Variants in SLC36A4 observed in about 807,000 individuals in gnomAD.
The protein encoded by SLC36A4 is solute carrier family 36 member 4, also known as neutral amino acid uniporter 4.
SLC36A4 carries 49 observed loss-of-function variants against 50.5 expected under a neutral mutation model. The ratio of observed to expected loss-of-function variants is 0.97; its 90% CI spans 0.77 to 1.23. SLC36A4 has a LOEUF of 1.23. Among genes scored for constraint, SLC36A4 ranks in the 50% most tolerant of loss-of-function variants. The pLI is 0.00. For synonymous variants in SLC36A4, 207 were observed against 206.5 expected (o/e 1.00, Z -0.02); for missense variants, 611 against 608.4 (o/e 1.00, Z -0.05).
chr11:93,148,931 G>A, intron 10 of SLC36A4, 87 bp from the exon 11 acceptor site: 5 of 1,161,366 alleles, frequency 4.3e-6, no homozygotes, highest in Non-Finnish European at 6.1e-6. Flanking sequence ...AATACTGAAA[G>A]TAATTACTAG....
chr11:93,182,185 C>A, intron 4 of SLC36A4: 1 of 288,020 alleles, frequency 3.5e-6, no homozygotes, highest in Non-Finnish European at 5.2e-6. Flanking sequence ...TACATTTTCA[C>A]ATAAACTATC....
chr11:93,187,352 T>C (rs1022909649), intron 1 of SLC36A4, among the ~76,000 whole-genome samples: 3 of 152,184 alleles, frequency 2.0e-5, no homozygotes, highest in African/African-American at 7.2e-5. Flanking sequence ...CCTTTTGATA[T>C]GTTGATTTAG....
rs375452321 is a variant in SLC36A4 at position 93,182,914 on chromosome 11, A to G, written c.271-20T>C. On this transcript the variant is annotated intron_variant, in intron 3 of 10. Coordinates refer to ENST00000326402, the MANE Select transcript of SLC36A4 (RefSeq NM_152313.4). ...TCCAAGCTGTGGGGAAAAAAAATTT[A>G]TAAGGTTTAAATATTTAACAGAAAT... 12 of 1,556,630 alleles carry G rather than the reference A, an allele frequency of 7.7e-6. No homozygotes were observed. In the East Asian group the frequency reaches 1.1e-4, roughly 15 times the overall value.
chr11:93,184,343 G>A, intron 3 of SLC36A4, 87 bp downstream of exon 3: 2 of 807,136 alleles, frequency 2.5e-6, no homozygotes, highest in Non-Finnish European at 4.3e-6. Flanking sequence ...ACCTTACCAG[G>A]TTATATTTGA....
intron 1 of SLC36A4, among the ~76,000 whole-genome samples, chr11:93,195,993 C>T (rs1360018615): frequency 6.6e-6 from 1 of 152,184 alleles, no homozygotes; most frequent in Non-Finnish European, 1.5e-5. Flanking sequence ...TGCTTACTCT[C>T]TGCTTCCCAT....
intron 1 of SLC36A4, among the ~76,000 whole-genome samples, chr11:93,196,955 T>G (rs193140762): frequency 2.0e-5 from 3 of 152,374 alleles, no homozygotes; most frequent in Non-Finnish European, 4.4e-5. Context: ...TTATTGTTTC[T>G]ACCATTATTA....
At position 93,145,588 on chromosome 11, in the gene SLC36A4, C is replaced by T. The variant is rs372145857; in HGVS notation, c.*2949G>A. ...GGAACAGTGATTAACTGACTTGGAA[C>T]GGAGCTCATTAGAGGTAAATAAAGC... is the stretch of plus-strand genomic sequence containing the variant. On this transcript the variant is annotated 3_prime_UTR_variant, in exon 11 of 11. Transcript: ENST00000326402. The T allele has an allele frequency of 1.3e-5, 2 of 152,152 alleles. No individual in the cohort carries two copies. Among genetic ancestry groups the T allele is most frequent in the Admixed American group, 6.5e-5 (1 of 15,270 alleles). 9.4% of individuals were successfully genotyped at this position (152,152 alleles called of 1,614,324 possible).
In SLC36A4 at chr11:93,147,827, T is replaced by C. The variant is rs938437492; in HGVS notation, c.*710A>G. On this transcript the variant is annotated 3_prime_UTR_variant, in exon 11 of 11. Transcript: ENST00000326402. ...TACTTAACCTTTCTAGGCCTCCTTT[T>C]CCTCTGACGAAAAACAAGGGAGTTG... 8 of 152,072 alleles carry C rather than the reference T, an allele frequency of 5.3e-5. No homozygotes were observed. Among genetic ancestry groups the C allele is most frequent in the Non-Finnish European group, 1.2e-4 (8 of 67,978 alleles). The allele number at this position is 152,072 out of a possible 1,614,324, so 9.4% of individuals were successfully genotyped here.
intron 3 of SLC36A4, 39 bp from the exon 4 acceptor site, chr11:93,182,933 C>G (rs769282272): frequency 1.4e-6 from 2 of 1,418,786 alleles, no homozygotes; most frequent in Non-Finnish European, 2.0e-6. Context: ...AAATATTTAA[C>G]AGAAATTGAG....
At position 93,185,598 on chromosome 11, in the gene SLC36A4, TTGTAA is replaced by T. The variant is rs530295972; in HGVS notation, c.179+88_179+92del. The T allele has an allele frequency of 8.8e-5, 105 of 1,196,636 alleles. No individual in the cohort carries two copies. The African/African-American group carries it at 1.4e-3, about 16-fold the overall frequency. 74.1% of individuals were successfully genotyped at this position (1,196,636 alleles called of 1,614,324 possible). A position where few individuals can be genotyped will look rare whatever the true frequency, so the allele number is the denominator to read the frequency against. ...GGAGACTATGTCTTATATTTGTGTCTTGTAATGTAATAGAATGTCTTGCCTGTAGA... is the reference window on the plus strand; with the variant it reads ...GGAGACTATGTCTTATATTTGTGTCTTGTAATAGAATGTCTTGCCTGTAGA... On this transcript the variant is annotated intron_variant, in intron 2 of 10. Coordinates refer to ENST00000326402, the MANE Select transcript of SLC36A4 (RefSeq NM_152313.4).
intron 1 of SLC36A4, among the ~76,000 whole-genome samples, chr11:93,190,867 A>T (rs1862190877): frequency 6.6e-6 from 1 of 152,144 alleles, no homozygotes; most frequent in African/African-American, 2.4e-5. Flanking sequence ...AATCTCTAAG[A>T]CTTTCCCTCC....
intron 1 of SLC36A4, among the ~76,000 whole-genome samples, chr11:93,196,904 A>G (rs1862453303): frequency 6.6e-6 from 1 of 152,224 alleles, no homozygotes; most frequent in Admixed American, 6.5e-5. Flanking sequence ...AGCACTTAGC[A>G]CAGTGTTTGC....
chr11:93,180,962 T>G lies in SLC36A4; in HGVS notation c.456-81A>C, dbSNP rs547017075. The G allele has an allele frequency of 7.6e-4, 756 of 993,208 alleles. 9 individuals are homozygous for G. In the South Asian group the frequency reaches 0.01, roughly 13 times the overall value. 61.5% of individuals were successfully genotyped at this position (993,208 alleles called of 1,614,324 possible). Reference sequence around the variant, plus strand: ...ATTTTATTTCTCTTTTCAAGAGTTTTAAAACATTTTATTATAGCATATATT... The same window carrying G: ...ATTTTATTTCTCTTTTCAAGAGTTTGAAAACATTTTATTATAGCATATATT... On this transcript the variant is annotated intron_variant, in intron 5 of 10. Coordinates refer to ENST00000326402, the MANE Select transcript of SLC36A4 (RefSeq NM_152313.4).
intron 9 of SLC36A4, chr11:93,155,223 G>T (rs1860296249): frequency 6.6e-6 from 1 of 152,006 alleles, no homozygotes; most frequent in African/African-American, 2.4e-5. Context: ...CAACCATCTT[G>T]CATTTTTTAA....
intron 9 of SLC36A4, among the ~76,000 whole-genome samples, chr11:93,158,557 G>C (rs748049720): frequency 9.2e-5 from 14 of 152,026 alleles, no homozygotes; most frequent in Admixed American, 1.3e-4. Context: ...ATCAACAAAA[G>C]AATAGTTATA....
intron 6 of SLC36A4, among the ~76,000 whole-genome samples, chr11:93,176,092 T>C (rs1466906918): frequency 1.4e-5 from 2 of 143,302 alleles, no homozygotes; most frequent in Admixed American, 1.4e-4. Flanking sequence ...TAAGTCTCTT[T>C]GTAGGTCACT....
intron 7 of SLC36A4, chr11:93,166,246 G>C: frequency 1.6e-6 from 2 of 1,235,470 alleles, no homozygotes; most frequent in Non-Finnish European, 2.0e-6. Context: ...TTCCATCTGA[G>C]CAAAATGCTC....
intron 6 of SLC36A4, among the ~76,000 whole-genome samples, chr11:93,174,077 G>A (rs1037994656): frequency 3.3e-5 from 5 of 151,222 alleles, no homozygotes; most frequent in Non-Finnish European, 7.4e-5. Flanking sequence ...TCCTACCCAT[G>A]AGCATGGAAT....
chr11:93,170,360 G>A (rs373475012), intron 6 of SLC36A4: 1 of 151,958 alleles, frequency 6.6e-6, no homozygotes, highest in African/African-American at 2.4e-5. Context: ...GATTATGTTC[G>A]TCAGTAAAGC....
Sources: allele counts gnomAD v4.1 joint callset (sites outside exome capture counted in the v4.1 genomes callset), GRCh38; gene constraint gnomAD v4.1.1; transcripts MANE v1.5; gene names NCBI Gene and HGNC (gene_info 2026-07-23, HGNC 2026-07-21).